EYS: variants seen among roughly 807,000 people sequenced by gnomAD.
EYS encodes protein eyes shut homolog.
Under a neutral mutation model 282.1 loss-of-function variants are expected in EYS, and 250 were observed. The ratio of observed to expected loss-of-function variants is 0.89; its 90% CI spans 0.80 to 0.98. The LOEUF (loss-of-function observed/expected upper bound fraction) is 0.98. Ranked by LOEUF, EYS falls within the 50% of genes least tolerant of loss-of-function variation. EYS has a pLI of 0.00. For missense variants in EYS, 4,016 were observed against 3,709.0 expected (o/e 1.08, Z -2.15); for synonymous variants, 1,355 against 1,282.9 (o/e 1.06, Z -1.20).
chr6:65,651,671 C>T (rs1767655923), intron 1 of EYS, among the ~76,000 whole-genome samples: 1 of 151,982 alleles, frequency 6.6e-6, no homozygotes, highest in African/African-American at 2.4e-5. Context: ...GGAAGTCTTA[C>T]TTTATTTCTT....
chr6:64,123,688 A>T (rs1480079944), intron 31 of EYS, among the ~76,000 whole-genome samples: 1 of 152,238 alleles, frequency 6.6e-6, no homozygotes, highest in Admixed American at 6.5e-5. Context: ...GTTCAGGGAA[A>T]TATACTGGGA....
intron 22 of EYS, among the ~76,000 whole-genome samples, chr6:64,751,185 C>T (rs1346039007): frequency 1.3e-5 from 2 of 152,166 alleles, no homozygotes; most frequent in African/African-American, 4.8e-5. Context: ...CCACTCCTTG[C>T]CTGGGCAGAG....
At chr6:64,437,392 G>T (rs546111072) in intron 27 of EYS, among the ~76,000 whole-genome samples, 103 of 151,714 alleles carry the variant, frequency 6.8e-4, no homozygotes, top group African/African-American at 2.3e-3. Flanking sequence ...TTATGAAAAA[G>T]AAAGGATATA....
At chr6:65,119,788 G>T (rs576216516) in intron 12 of EYS, among the ~76,000 whole-genome samples, 3 of 152,024 alleles carry the variant, frequency 2.0e-5, no homozygotes, top group African/African-American at 7.2e-5. Context: ...AATCACTTGA[G>T]CCTGGAAGGT....
intron 22 of EYS, among the ~76,000 whole-genome samples, chr6:64,788,039 T>G (rs750317909): frequency 1.3e-5 from 2 of 152,164 alleles, no homozygotes; most frequent in Non-Finnish European, 2.9e-5. Flanking sequence ...CTACATTGCT[T>G]ACAATTTCTC....
At chr6:65,688,978 G>T (rs1769134974) in intron 1 of EYS, among the ~76,000 whole-genome samples, 1 of 151,166 alleles carries the variant, frequency 6.6e-6, no homozygotes, top group Non-Finnish European at 1.5e-5. Flanking sequence ...ATTCCTCAGG[G>T]ATCTAGAACT....
chr6:64,125,799 A>G (rs1431121389), intron 31 of EYS, among the ~76,000 whole-genome samples: 3 of 151,362 alleles, frequency 2.0e-5, no homozygotes, highest in African/African-American at 7.3e-5. Flanking sequence ...AAAAAAAAAA[A>G]AAAAAAAAAA....
intron 12 of EYS, among the ~76,000 whole-genome samples, chr6:65,200,312 T>C (rs1333092678): frequency 6.6e-6 from 1 of 151,658 alleles, no homozygotes; most frequent in East Asian, 1.9e-4. Flanking sequence ...AGATGACTAG[T>C]AACTAGATAG....
intron 2 of EYS, among the ~76,000 whole-genome samples, chr6:65,616,798 A>G (rs954165298): frequency 1.3e-5 from 2 of 152,106 alleles, no homozygotes; most frequent in Admixed American, 6.5e-5. Context: ...AAACAAAAAA[A>G]AAAAGTAAGC....
At chr6:64,581,414 G>A (rs553988978) in intron 26 of EYS, among the ~76,000 whole-genome samples, 14 of 152,094 alleles carry the variant, frequency 9.2e-5, no homozygotes, top group African/African-American at 1.7e-4. Context: ...AAAATGTACC[G>A]TTACAGGTAA....
intron 22 of EYS, among the ~76,000 whole-genome samples, chr6:64,773,610 A>C (rs1773590472): frequency 2.6e-5 from 4 of 151,720 alleles, no homozygotes; most frequent in Admixed American, 1.3e-4. Flanking sequence ...ATAAGCATTA[A>C]ATTTTCTCTG....
intron 29 of EYS, among the ~76,000 whole-genome samples, chr6:64,334,703 A>T (rs918510002): frequency 2.0e-5 from 3 of 152,170 alleles, no homozygotes; most frequent in African/African-American, 7.2e-5. Flanking sequence ...TTAGCACTGG[A>T]TTATCTTTTA....
intron 31 of EYS, among the ~76,000 whole-genome samples, chr6:64,132,314 C>T (rs1774004825): frequency 6.6e-6 from 1 of 151,724 alleles, no homozygotes; most frequent in Admixed American, 6.6e-5. Context: ...TATTAGTTAT[C>T]TTGGTGAAGG....
chr6:65,001,252 A>G (rs1771456035), intron 13 of EYS, among the ~76,000 whole-genome samples: 1 of 147,558 alleles, frequency 6.8e-6, no homozygotes, highest in African/African-American at 2.4e-5. Flanking sequence ...CGGGTCACAC[A>G]TGGGCTTGAA....
intron 19 of EYS, among the ~76,000 whole-genome samples, chr6:64,877,539 C>T (rs1027902582): frequency 5.3e-5 from 8 of 152,078 alleles, no homozygotes; most frequent in South Asian, 4.2e-4. Flanking sequence ...TTGATAATTG[C>T]GGAAACATGG....
intron 31 of EYS, among the ~76,000 whole-genome samples, chr6:64,104,117 G>A (rs1562203082): frequency 6.6e-6 from 1 of 152,106 alleles, no homozygotes; most frequent in African/African-American, 2.4e-5. Context: ...TTTCAAATAT[G>A]GAAGAAATGA....
At chr6:64,848,408 G>C (rs112118304) in intron 19 of EYS, among the ~76,000 whole-genome samples, 1 of 152,090 alleles carries the variant, frequency 6.6e-6, no homozygotes, top group African/African-American at 2.4e-5. Context: ...GCAGAAATTT[G>C]AAAAAATGCA....
chr6:64,054,607 A>G (rs1770921271), intron 33 of EYS, among the ~76,000 whole-genome samples: 1 of 152,164 alleles, frequency 6.6e-6, no homozygotes, highest in African/African-American at 2.4e-5. Flanking sequence ...CATTTAAAGA[A>G]TATTTCAGGA....
chr6:65,609,942 C>G (rs1236501295), intron 2 of EYS, among the ~76,000 whole-genome samples: 1 of 152,134 alleles, frequency 6.6e-6, no homozygotes, highest in African/African-American at 2.4e-5. Context: ...ATATCCAGCC[C>G]AGGCTGGAAT....
Sources: allele counts gnomAD v4.1 joint callset (sites outside exome capture counted in the v4.1 genomes callset), GRCh38; gene constraint gnomAD v4.1.1; transcripts MANE v1.5; gene names NCBI Gene and HGNC (gene_info 2026-07-23, HGNC 2026-07-21).